INPP5A: variants seen among roughly 807,000 people sequenced by gnomAD.
The protein encoded by INPP5A is 43 kDa inositol polyphosphate 5-phophatase.
INPP5A carries 14 observed loss-of-function variants against 65.2 expected under a neutral mutation model. That is an observed-to-expected ratio of 0.21 (90% confidence interval 0.14 to 0.34). INPP5A has a LOEUF of 0.34. INPP5A is among the 10% of genes least tolerant of loss of function. The pLI, the probability that INPP5A is intolerant of heterozygous loss-of-function variation, is 1.00. For missense variants in INPP5A, 431 were observed against 545.6 expected (o/e 0.79, Z 2.09); for synonymous variants, 207 against 208.3 (o/e 0.99, Z 0.05).
intron 4 of INPP5A, among the ~76,000 whole-genome samples, chr10:132,662,069 T>G (rs1157545283): frequency 1.3e-5 from 2 of 152,200 alleles, no homozygotes; most frequent in Non-Finnish European, 2.9e-5. Flanking sequence ...TTCCACAAGA[T>G]CACACAGGAC....
chr10:132,658,166 C>T (rs756416190), intron 4 of INPP5A, among the ~76,000 whole-genome samples: 34 of 152,160 alleles, frequency 2.2e-4, no homozygotes, highest in African/African-American at 9.7e-5. Context: ...AAACACCTTC[C>T]GAAGTTTTTG....
At chr10:132,756,792 G>A (rs1846628297) in intron 11 of INPP5A, among the ~76,000 whole-genome samples, 2 of 152,258 alleles carry the variant, frequency 1.3e-5, no homozygotes, top group Non-Finnish European at 2.9e-5. Flanking sequence ...AGAAGAAGGC[G>A]CCGTTATCAC....
intron 7 of INPP5A, among the ~76,000 whole-genome samples, chr10:132,709,876 G>A (rs1044579321): frequency 1.3e-5 from 2 of 152,196 alleles, no homozygotes; most frequent in African/African-American, 4.8e-5. Flanking sequence ...GCCCACAGCC[G>A]GCCCACGGGG....
intron 9 of INPP5A, among the ~76,000 whole-genome samples, chr10:132,746,134 G>A (rs868351142): frequency 2.0e-5 from 3 of 152,246 alleles, no homozygotes; most frequent in Non-Finnish European, 2.9e-5. Context: ...CAGGCAGGGC[G>A]CTCTGGACAC....
At chr10:132,778,887 C>T (rs904879577) in intron 13 of INPP5A, among the ~76,000 whole-genome samples, 4 of 152,376 alleles carry the variant, frequency 2.6e-5, no homozygotes, top group East Asian at 1.9e-4. Context: ...CTCAGCAGGG[C>T]GGGGACCTCT....
chr10:132,559,422 T>A (rs963798081), intron 1 of INPP5A, among the ~76,000 whole-genome samples: 1 of 152,198 alleles, frequency 6.6e-6, no homozygotes, highest in Non-Finnish European at 1.5e-5. Context: ...GTTCACAAGG[T>A]CGTGTGACCT....
intron 13 of INPP5A, 29 bp from the exon 14 acceptor site, chr10:132,780,820 A>G: frequency 6.2e-7 from 1 of 1,606,476 alleles, no homozygotes; most frequent in South Asian, 1.1e-5. Context: ...CCACCTCCCC[A>G]CACTCACCTG....
At position 132,705,962 on chromosome 10, in the gene INPP5A, TTAAG is replaced by T. The variant is rs1489479597; in HGVS notation, c.475-2348_475-2345del. 1.3e-5 allele frequency among the ~76,000 whole-genome samples: 2 copies of T among 152,190 alleles called. No individual in the cohort carries two copies. Among genetic ancestry groups the T allele is most frequent in the Non-Finnish European group, 2.9e-5 (2 of 68,048 alleles). On this transcript the variant is annotated intron_variant, in intron 6 of 15. Transcript: ENST00000368594. This position sits in a 1 kb window ranked among gnomAD's most constrained non-coding sequence, Gnocchi z 4.9. The stretch of plus-strand genomic sequence containing the variant: ...ATTTCTTGGGAAAAGCTGACAGACT[TTAAG>T]TATGTTTAAATTGCTCAAAGAGATA...
chr10:132,578,094 T>A (rs186615133), intron 1 of INPP5A, among the ~76,000 whole-genome samples: 1 of 152,342 alleles, frequency 6.6e-6, no homozygotes, highest in East Asian at 1.9e-4. Context: ...TAAACCAGGA[T>A]TCTAAAATTA....
chr10:132,730,201 C>T (rs558606556), intron 9 of INPP5A, among the ~76,000 whole-genome samples: 124 of 152,372 alleles, frequency 8.1e-4, no homozygotes, highest in African/African-American at 2.8e-3. Context: ...GGGGCCCTCC[C>T]CACCACCTCC....
intron 6 of INPP5A, 84 bp from the exon 7 acceptor site, chr10:132,708,229 C>A: frequency 8.2e-7 from 1 of 1,225,936 alleles, no homozygotes; most frequent in South Asian, 1.3e-5. Flanking sequence ...GAAAGCATCT[C>A]CTGTGTCCTT....
chr10:132,628,449 A>G (rs1368579594), intron 2 of INPP5A, among the ~76,000 whole-genome samples: 3 of 84,782 alleles, frequency 3.5e-5, no homozygotes, highest in African/African-American at 1.3e-4. Context: ...CTCCCTCCAG[A>G]TGTGCTCTGG....
intron 8 of INPP5A, among the ~76,000 whole-genome samples, chr10:132,718,236 C>T (rs1169718575): frequency 2.9e-5 from 4 of 140,160 alleles, no homozygotes; most frequent in Admixed American, 7.1e-5. Context: ...TCTGTCTGGG[C>T]ACCTTAGACG....
At chr10:132,592,907 C>T (rs758603400) in intron 1 of INPP5A, among the ~76,000 whole-genome samples, 22 of 151,902 alleles carry the variant, frequency 1.4e-4, no homozygotes, top group African/African-American at 3.9e-4. Flanking sequence ...AGGTCTCACG[C>T]GGCTGCAGTC....
Position 132,620,454 on chromosome 10 carries a change from A to T in INPP5A, c.117+12498A>T, listed in dbSNP as rs536911944. On this transcript the variant is annotated intron_variant, in intron 2 of 15. Coordinates refer to ENST00000368594, the MANE Select transcript of INPP5A (RefSeq NM_005539.5). ...AGGCTGTTAGAAGCAGCCAGGCCAC[A>T]TCTTTCTTGAGCACTTTGCTGCTTA... is the stretch of plus-strand genomic sequence containing the variant. Among the ~76,000 whole-genome samples, 292 of 152,348 alleles carry T rather than the reference A, an allele frequency of 1.9e-3. 2 individuals carry two copies. The highest frequency in any genetic ancestry group is 6.8e-3 in the African/African-American group (282 of 41,576).
intron 3 of INPP5A, among the ~76,000 whole-genome samples, chr10:132,649,158 T>C (rs2072538841): frequency 6.6e-6 from 1 of 152,216 alleles, no homozygotes; most frequent in Admixed American, 6.5e-5. Context: ...TTTGATCTTC[T>C]CTTAGGTCCA....
intron 2 of INPP5A, among the ~76,000 whole-genome samples, chr10:132,634,733 G>A (rs1272743480): frequency 6.6e-6 from 1 of 152,228 alleles, no homozygotes; most frequent in South Asian, 2.1e-4. Flanking sequence ...CGGTCATCAC[G>A]AATGTTCTTC....
intron 4 of INPP5A, among the ~76,000 whole-genome samples, chr10:132,671,031 T>C (rs371755978): frequency 3.6e-4 from 55 of 152,194 alleles, no homozygotes; most frequent in African/African-American, 1.2e-3. Flanking sequence ...GGATGTCTTT[T>C]CCCGTAAGGG....
At chr10:132,630,882 T>C (rs886363387) in intron 2 of INPP5A, among the ~76,000 whole-genome samples, 14 of 152,298 alleles carry the variant, frequency 9.2e-5, no homozygotes, top group African/African-American at 3.4e-4. Context: ...TTGTTCGGGT[T>C]AGAGCCCTGC....
Sources: gnomAD v4.1 joint callset for allele counts (sites outside exome capture counted in the v4.1 genomes callset) on GRCh38, gnomAD v4.1.1 for gene constraint, Gnocchi (gnomAD v3.1) non-coding constraint, MANE v1.5 for transcripts, NCBI Gene and HGNC (gene_info 2026-07-23, HGNC 2026-07-21) for gene names.